Variants in RBBP6 observed in about 807,000 individuals in gnomAD.
RBBP6 encodes the protein RB binding protein 6, ubiquitin ligase.
In RBBP6, 25 loss-of-function variants were observed where a neutral mutation model predicts 167.7. That is an observed-to-expected ratio of 0.15 (90% CI 0.11 to 0.21). The LOEUF (loss-of-function observed/expected upper bound fraction) is 0.21, where lower values mean the gene tolerates loss of function less well. Ranked by LOEUF, RBBP6 falls within the 10% of genes least tolerant of loss-of-function variation. The probability of loss-of-function intolerance (pLI) is 1.00; values close to 1 mark genes in which losing one functional copy is unlikely to be tolerated. For missense variants in RBBP6, 1,868 were observed against 2,134.2 expected (o/e 0.88, Z 2.46); for synonymous variants, 789 against 735.8 (o/e 1.07, Z -1.17).
At chr16:24,563,371 T>A in intron 11 of RBBP6, 52 bp from the exon 12 acceptor site, 2 of 146,238 alleles carry the variant, frequency 1.4e-5, no homozygotes, top group Non-Finnish European at 2.5e-5. Context: ...TTCTTACCTC[T>A]TTTTTTTTTT....
Position 24,569,591 on chromosome 16 carries a change from A to G in RBBP6, c.2901A>G (p.Glu967=). 1 of 1,612,522 alleles carries G rather than the reference A, an allele frequency of 6.2e-7. No homozygotes were observed. Among genetic ancestry groups the G allele is most frequent in the Non-Finnish European group, 8.5e-7 (1 of 1,179,658 alleles). ...AATCAAGAGAACCTACAGGTGTTGA[A>G]GAAAATAAAACAGACTCATTGTTTG... ...SRKSREPTGV[E]ENKTDSLFVL... is the part of the protein sequence containing the mutation. The change falls in exon 17 of 18, where the codon GAA becomes GAG. Residue 967 remains glutamate (E), a synonymous_variant. Coordinates refer to ENST00000319715, the MANE Select transcript of RBBP6 (RefSeq NM_006910.5).
chr16:24,559,895 A>G, intron 8 of RBBP6: 1 of 324,944 alleles, frequency 3.1e-6, no homozygotes, highest in Non-Finnish European at 5.5e-6. Context: ...TGACTTCTGT[A>G]CCTTCATCAG....
At chr16:24,552,084 G>A (rs1898810178) in intron 3 of RBBP6, among the ~76,000 whole-genome samples, 1 of 151,646 alleles carries the variant, frequency 6.6e-6, no homozygotes, top group African/African-American at 2.4e-5. Context: ...TAGGGTTAGT[G>A]CATCATGAAC....
In RBBP6 at chr16:24,569,189, A is replaced by C. The variant is rs762966389; in HGVS notation, c.2499A>C (p.Lys833Asn). 8.7e-6 allele frequency: 14 copies of C among 1,613,804 alleles called. No individual in the cohort carries two copies. The highest frequency in any genetic ancestry group is 1.2e-5 in the Non-Finnish European group (14 of 1,179,904). The part of the protein sequence containing the change: ...EKERYREWER[K>N]YREWYEKYYK... ...AACGCTACCGAGAATGGGAGAGAAA[A>C]TATAGAGAGTGGTATGAAAAATATT... The change falls in exon 17 of 18, where the codon AAA (lysine) becomes AAC (asparagine). Residue 833 changes from lysine (K) to asparagine (N), a missense_variant. Transcript: ENST00000319715.
At chr16:24,559,742 T>C (rs1442468477) in intron 8 of RBBP6, 65 bp downstream of exon 8, 22 of 1,328,550 alleles carry the variant, frequency 1.7e-5, no homozygotes, top group Non-Finnish European at 2.1e-5. Flanking sequence ...GGAATGGCTC[T>C]TCCCAACCTC....
intron 8 of RBBP6, among the ~76,000 whole-genome samples, chr16:24,560,906 G>A (rs1465838154): frequency 6.6e-6 from 1 of 152,134 alleles, no homozygotes; most frequent in South Asian, 2.1e-4. Flanking sequence ...TTGGATACCT[G>A]TAAATCTTTA....
Position 24,571,892 on chromosome 16 carries a change from A to T in RBBP6, c.4826A>T (p.Lys1609Met), listed in dbSNP as rs768087706. Reference protein sequence around the residue: ...EKEQITGQIDKSTVKPKPQLS... With the variant: ...EKEQITGQIDMSTVKPKPQLS... ...GAGCAAATTACTGGGCAAATTGACA[A>T]GAGTACTGTCAAGCCTAAACCCCAG... Residue 1609 changes from lysine to methionine, a missense_variant, in exon 18 of 18, where the codon AAG becomes ATG. Physicochemically the swap from Lys to Met is moderately conservative, Grantham distance 95 (BLOSUM62 -1). Around this residue, in one of 7 missense-constraint regions of RBBP6, gnomAD observed 591 missense variants for 540.5 expected, o/e 1.09. Coordinates refer to ENST00000319715, the MANE Select transcript of RBBP6 (RefSeq NM_006910.5). The T allele has an allele frequency of 3.7e-6, 6 of 1,614,014 alleles. No homozygotes were observed. The highest frequency in any genetic ancestry group is 1.3e-5 in the African/African-American group (1 of 74,938).
chr16:24,570,755 T>G, intron 17 of RBBP6, 121 bp from the exon 18 acceptor site: 1 of 947,932 alleles, frequency 1.1e-6, no homozygotes, highest in South Asian at 3.2e-5. Context: ...AGAATAAGTT[T>G]TTTGTTTTTT....
Position 24,555,981 on chromosome 16 carries a change from A to G in RBBP6, c.534+64A>G, listed in dbSNP as rs909807776. 7.1e-6 allele frequency: 10 copies of G among 1,404,602 alleles called. No homozygotes were observed. In the Admixed American group the frequency reaches 1.2e-4, roughly 17 times the overall value. The allele number at this position is 1,404,602 out of a possible 1,614,324, so 87.0% of individuals were successfully genotyped here. A position where few individuals can be genotyped will look rare whatever the true frequency, so the allele number is the denominator to read the frequency against. The stretch of plus-strand genomic sequence containing the variant: ...TTTCCTTTGGAATTGTTCCTTAGCT[A>G]TCTTATTTTTCTTGGTTAATACTGC... On this transcript the variant is annotated intron_variant, in intron 6 of 17. Coordinates refer to ENST00000319715, the MANE Select transcript of RBBP6 (RefSeq NM_006910.5).
At chr16:24,549,203 A>G in intron 3 of RBBP6, 5 of 1,416,460 alleles carry the variant, frequency 3.5e-6, no homozygotes, top group Non-Finnish European at 3.7e-6. Flanking sequence ...ACACTGTTTC[A>G]TATTAAATAT....
In RBBP6 at chr16:24,571,334, C is replaced by T. The variant is rs112604866; in HGVS notation, c.4268C>T (p.Thr1423Ile). The change falls in exon 18 of 18, where the codon ACT becomes ATT. Residue 1423 changes from threonine to isoleucine, a missense_variant. Physicochemically the swap from Thr to Ile is moderately conservative, Grantham distance 89. Coordinates refer to ENST00000319715, the MANE Select transcript of RBBP6 (RefSeq NM_006910.5). ...KENPEKRKNS[T>I]QPEKESNLDR... ...AACCCTGAAAAGAGGAAGAACAGCA[C>T]TCAGCCAGAGAAAGAGAGTAATTTG... 2.5e-6 allele frequency: 4 copies of T among 1,614,102 alleles called. No individual in the cohort carries two copies. The highest frequency in any genetic ancestry group is 3.4e-6 in the Non-Finnish European group (4 of 1,180,004).
chr16:24,568,375 T>C (rs1899243305), intron 16 of RBBP6, among the ~76,000 whole-genome samples: 1 of 152,214 alleles, frequency 6.6e-6, no homozygotes, highest in African/African-American at 2.4e-5. Context: ...AAATGTGGTT[T>C]CTTTTAAAAC....
intron 3 of RBBP6, among the ~76,000 whole-genome samples, chr16:24,552,505 T>G (rs1246497887): frequency 2.6e-5 from 4 of 151,918 alleles, no homozygotes; most frequent in Non-Finnish European, 5.9e-5. Flanking sequence ...TCTTCAAGAT[T>G]GTTTGCTAAA....
chr16:24,572,045 A>G lies in RBBP6; in HGVS notation c.4979A>G (p.Asn1660Ser). ...GTAAAAGAAGAGGAATCTTCAGGAA[A>G]CATTTCTAAGGACCTGAAAGATAAA... ...VSVKEEESSG[N>S]ISKDLKDKIV... is the part of the protein sequence containing the mutation. Residue 1660 changes from asparagine (N) to serine (S), a missense_variant, in exon 18 of 18, where the codon AAC becomes AGC. Around this residue, in one of 7 missense-constraint regions of RBBP6, gnomAD observed 591 missense variants for 540.5 expected, o/e 1.09. Transcript: ENST00000319715. 1 of 1,614,170 alleles carries G rather than the reference A, an allele frequency of 6.2e-7. No individual in the cohort carries two copies. The highest frequency in any genetic ancestry group is 8.5e-7 in the Non-Finnish European group (1 of 1,180,014).
At position 24,546,254 on chromosome 16, in the gene RBBP6, A is replaced by G. The variant is rs775805304; in HGVS notation, c.258A>G (p.Thr86=). The G allele has an allele frequency of 3.8e-6, 6 of 1,576,868 alleles. No individual in the cohort carries two copies. The highest frequency in any genetic ancestry group is 5.1e-6 in the Non-Finnish European group (6 of 1,169,320). ...PIGGVKSTSK[T]YVISRTEPAM... is the part of the protein sequence containing the mutation. ...GAGGTGTTAAATCTACAAGCAAGACATATGTTATGTAAGTATCAAATCTCA... is the reference window on the plus strand; with the variant it reads ...GAGGTGTTAAATCTACAAGCAAGACGTATGTTATGTAAGTATCAAATCTCA... The change falls in exon 2 of 18, where the codon ACA becomes ACG. Residue 86 remains threonine, a synonymous_variant. Transcript: ENST00000319715.
At position 24,562,149 on chromosome 16, in the gene RBBP6, A is replaced by G. The variant is rs781326389; in HGVS notation, c.1277A>G (p.Asp426Gly). 14 of 1,607,044 alleles carry G rather than the reference A, an allele frequency of 8.7e-6. No individual in the cohort carries two copies. The highest frequency in any genetic ancestry group is 1.0e-5 in the Non-Finnish European group (12 of 1,174,880). The part of the protein sequence containing the change: ...VSISVHSEKS[D>G]GPFRDSDNKI... Reference sequence around the variant, plus strand: ...ATATCAGTTCATTCAGAAAAATCAGATGGACCTTTTCGGTAAGCCTGTGTG... The same window carrying G: ...ATATCAGTTCATTCAGAAAAATCAGGTGGACCTTTTCGGTAAGCCTGTGTG... The change falls in exon 10 of 18, where the codon GAT becomes GGT. Residue 426 changes from aspartate to glycine, a missense_variant. Physicochemically the swap from Asp to Gly is moderately conservative, Grantham distance 94 (BLOSUM62 -1). Coordinates refer to ENST00000319715, the MANE Select transcript of RBBP6 (RefSeq NM_006910.5).
chr16:24,561,886 TCCA>T lies in RBBP6; in HGVS notation c.1020_1022del (p.Pro342del). Reference sequence around the variant, plus strand: ...AAAGACTACGAAAACAGTTACCTCCTCCACCACCCCCAATACCACCTCCGAGAC... The same window carrying T: ...AAAGACTACGAAAACAGTTACCTCCTCCACCCCCAATACCACCTCCGAGAC... On this transcript the variant is annotated inframe_deletion, in exon 10 of 18. Transcript: ENST00000319715. 6.2e-7 allele frequency: 1 copy of T among 1,613,994 alleles called. No individual in the cohort carries two copies.
chr16:24,543,952 C>G (rs1276473936), intron 1 of RBBP6, among the ~76,000 whole-genome samples: 1 of 152,092 alleles, frequency 6.6e-6, no homozygotes, highest in African/African-American at 2.4e-5. Flanking sequence ...AGCCAACAGA[C>G]TACTTGTTAA....
intron 7 of RBBP6, among the ~76,000 whole-genome samples, 196 bp downstream of exon 7, chr16:24,556,643 A>AT (rs1459823626): frequency 6.6e-6 from 1 of 152,086 alleles, no homozygotes; most frequent in Non-Finnish European, 1.5e-5. Context: ...GGATTTGGGG[A>AT]TTTTTTGTTA....
Sources: gnomAD v4.1 joint callset for allele counts (sites outside exome capture counted in the v4.1 genomes callset) on GRCh38, gnomAD v4.1.1 for gene constraint, gnomAD v4.1.1 regional missense constraint, MANE v1.5 for transcripts, NCBI Gene and HGNC (gene_info 2026-07-23, HGNC 2026-07-21) for gene names.